GLCCI1: variants seen among roughly 807,000 people sequenced by gnomAD.
GLCCI1 encodes the protein glucocorticoid-induced transcript 1 protein.
Under a neutral mutation model 52.2 loss-of-function variants are expected in GLCCI1, and 24 were observed. The ratio of observed to expected loss-of-function variants is 0.46; its 90% CI spans 0.33 to 0.65. The LOEUF (loss-of-function observed/expected upper bound fraction) is 0.65, where lower values mean the gene tolerates loss of function less well. GLCCI1 is among the 30% of genes least tolerant of loss of function. The pLI is 0.02. For missense variants in GLCCI1, 704 were observed against 701.5 expected, an observed-to-expected ratio of 1.00 and a Z score of -0.04; for synonymous variants, 310 against 276.5, an observed-to-expected ratio of 1.12 and a Z score of -1.20.
At chr7:8,035,667 A>C (rs928505558) in intron 3 of GLCCI1, among the ~76,000 whole-genome samples, 15 of 152,216 alleles carry the variant, frequency 9.9e-5, no homozygotes, top group African/African-American at 3.6e-4. Context: ...GTTTGGCAGT[A>C]AGCTGTGAGA....
intron 3 of GLCCI1, among the ~76,000 whole-genome samples, chr7:8,031,407 G>C (rs1378852432): frequency 2.0e-5 from 3 of 152,068 alleles, no homozygotes; most frequent in African/African-American, 7.2e-5. Context: ...GAAAGTGTTG[G>C]GTGGGGAGCC....
chr7:7,972,262 A>G (rs965059995), intron 1 of GLCCI1, among the ~76,000 whole-genome samples: 3 of 152,150 alleles, frequency 2.0e-5, no homozygotes, highest in Admixed American at 6.5e-5. Context: ...ATGAAAAACA[A>G]CAACGTGCTC....
At chr7:8,048,447 AG>A (rs1225754909) in intron 3 of GLCCI1, among the ~76,000 whole-genome samples, 1 of 152,070 alleles carries the variant, frequency 6.6e-6, no homozygotes, top group East Asian at 1.9e-4. Flanking sequence ...TGTTTAATAC[AG>A]GGAGTTTAGA....
Position 7,980,632 on chromosome 7 carries a change from A to G in GLCCI1, c.457+10825A>G, listed in dbSNP as rs548880898. ...TGGTGATCAAGCAAGCTTTTTTGAGACAGAAAACGTCCCAAGAATTAAGCA... is the reference window on the plus strand; with the variant it reads ...TGGTGATCAAGCAAGCTTTTTTGAGGCAGAAAACGTCCCAAGAATTAAGCA... On this transcript the variant is annotated intron_variant, in intron 1 of 7. Transcript: ENST00000223145. 16 of 803,740 alleles carry G rather than the reference A, an allele frequency of 2.0e-5. No individual in the cohort carries two copies. In the African/African-American group the frequency reaches 2.4e-4, roughly 12 times the overall value. 49.8% of individuals were successfully genotyped at this position (803,740 alleles called of 1,614,324 possible).
chr7:8,028,481 A>G (rs370957485), intron 3 of GLCCI1, among the ~76,000 whole-genome samples: 26 of 152,326 alleles, frequency 1.7e-4, no homozygotes, highest in East Asian at 5.8e-4. Context: ...AGGGAAATTT[A>G]TAGCTGTAAG....
chr7:8,018,626 A>G (rs2127947341), intron 2 of GLCCI1, among the ~76,000 whole-genome samples: 1 of 152,290 alleles, frequency 6.6e-6, no homozygotes, highest in Admixed American at 6.5e-5. Flanking sequence ...TGGACTTTGG[A>G]GACTTCCAGG....
chr7:7,969,690 G>T lies in GLCCI1; in HGVS notation c.340G>T (p.Ala114Ser), dbSNP rs1243180078. The T allele has an allele frequency of 1.1e-5, 13 of 1,169,570 alleles. No individual in the cohort carries two copies. Among genetic ancestry groups the T allele is most frequent in the Admixed American group, 1.0e-4 (2 of 19,242 alleles). The allele number at this position is 1,169,570 out of a possible 1,614,324, so 72.4% of individuals were successfully genotyped here. The stretch of plus-strand genomic sequence containing the variant: ...CCCGTCCAGCCCGACGCCGCCGGCG[G>T]CCGCAGCCCCGGCCGAGCAGGCGCC... ...PSPSSPTPPA[A>S]AAPAEQAPRA... Residue 114 changes from alanine (A) to serine (S), a missense_variant, in exon 1 of 8, where the codon GCC (alanine) becomes TCC (serine). Around this residue, in one of 3 missense-constraint regions of GLCCI1, gnomAD observed 547 missense variants for 524.8 expected, o/e 1.04. Transcript: ENST00000223145. This position sits in a 1 kb window ranked among gnomAD's most constrained non-coding sequence, Gnocchi z 4.9.
At chr7:8,014,644 G>T (rs1456839430) in intron 2 of GLCCI1, among the ~76,000 whole-genome samples, 1 of 152,002 alleles carries the variant, frequency 6.6e-6, no homozygotes, top group Non-Finnish European at 1.5e-5. Context: ...TCTGAATTCT[G>T]TCACTTGGGT....
At chr7:8,081,991 T>G (rs1168528459) in intron 6 of GLCCI1, among the ~76,000 whole-genome samples, 1 of 152,216 alleles carries the variant, frequency 6.6e-6, no homozygotes, top group Non-Finnish European at 1.5e-5. Context: ...TCAACTGTAT[T>G]TCTAGTTATG....
intron 2 of GLCCI1, among the ~76,000 whole-genome samples, chr7:8,014,024 C>T (rs1482252389): frequency 2.8e-5 from 4 of 143,074 alleles, no homozygotes; most frequent in Non-Finnish European, 3.0e-5. Flanking sequence ...GAGTCTTGCT[C>T]TGTCGCCCAG....
chr7:8,052,837 A>G (rs1267128590), intron 3 of GLCCI1, among the ~76,000 whole-genome samples: 1 of 152,048 alleles, frequency 6.6e-6, no homozygotes, highest in Non-Finnish European at 1.5e-5. Flanking sequence ...AAAGCCCCCA[A>G]ATCCTGCTTC....
intron 1 of GLCCI1, among the ~76,000 whole-genome samples, chr7:7,975,347 T>G (rs1780442131): frequency 6.6e-6 from 1 of 152,210 alleles, no homozygotes; most frequent in South Asian, 2.1e-4. Flanking sequence ...ACCAAGTTCA[T>G]GAATACCTCA....
At chr7:8,081,207 C>CA (rs1407552002) in intron 6 of GLCCI1, among the ~76,000 whole-genome samples, 1 of 152,102 alleles carries the variant, frequency 6.6e-6, no homozygotes, top group Non-Finnish European at 1.5e-5. Context: ...CTCCCTACCC[C>CA]AAGGCAGTGC....
intron 1 of GLCCI1, among the ~76,000 whole-genome samples, chr7:7,985,186 GT>G (rs141925360): frequency 0.04 from 6,115 of 152,050 alleles, 154 homozygotes; most frequent in Non-Finnish European, 0.057. Context: ...TTAATTTGTT[GT>G]TTTCGTATAT....
chr7:8,018,047 T>C (rs1283722864), intron 2 of GLCCI1, among the ~76,000 whole-genome samples: 1 of 152,170 alleles, frequency 6.6e-6, no homozygotes, highest in Non-Finnish European at 1.5e-5. Context: ...TTAAGATTAG[T>C]CTGTGGTCAT....
chr7:8,007,357 T>C (rs73242053), intron 2 of GLCCI1, among the ~76,000 whole-genome samples: 68 of 152,310 alleles, frequency 4.5e-4, no homozygotes, highest in African/African-American at 1.6e-3. Flanking sequence ...TACATCGTTA[T>C]GTAATATGTA....
intron 6 of GLCCI1, among the ~76,000 whole-genome samples, chr7:8,079,316 T>TCAGCGCTTAC (rs1277991961): frequency 2.6e-5 from 4 of 151,820 alleles, no homozygotes; most frequent in African/African-American, 9.7e-5. Context: ...CCTGGAAATT[T>TCAGCGCTTAC]TGCCATTTAA....
At chr7:7,998,689 T>C (rs1385171147) in intron 1 of GLCCI1, among the ~76,000 whole-genome samples, 1 of 152,216 alleles carries the variant, frequency 6.6e-6, no homozygotes, top group African/African-American at 2.4e-5. Flanking sequence ...AAGGTTCTTA[T>C]TGCCATGGCC....
intron 7 of GLCCI1, among the ~76,000 whole-genome samples, chr7:8,085,355 G>A (rs1393723084): frequency 6.6e-6 from 1 of 152,226 alleles, no homozygotes; most frequent in Non-Finnish European, 1.5e-5. Flanking sequence ...TGTGTGACTA[G>A]CTTAAAGACA....
Sources: allele counts gnomAD v4.1 joint callset (sites outside exome capture counted in the v4.1 genomes callset), GRCh38; gene constraint gnomAD v4.1.1; regional missense constraint gnomAD v4.1.1; non-coding constraint Gnocchi (gnomAD v3.1); transcripts MANE v1.5; gene names NCBI Gene and HGNC (gene_info 2026-07-23, HGNC 2026-07-21).